GABPB2: variants seen among roughly 807,000 people sequenced by gnomAD.
The protein encoded by GABPB2 is GA-binding protein subunit beta-2.
Under a neutral mutation model 39.1 loss-of-function variants are expected in GABPB2, and 23 were observed. The observed-to-expected ratio is 0.59, with a 90% CI of 0.42 to 0.83. The LOEUF (loss-of-function observed/expected upper bound fraction) is 0.83, where lower values mean the gene tolerates loss of function less well. GABPB2 is among the 40% of genes least tolerant of loss of function. GABPB2 has a pLI of 0.00. For synonymous variants in GABPB2, 184 were observed against 199.3 expected (o/e 0.92, Z 0.65); for missense variants, 467 against 541.1 (o/e 0.86, Z 1.36).
rs374570194 is a variant in GABPB2 at position 151,097,962 on chromosome 1, C to A, written c.582C>A (p.Leu194=). ...FIFTSGEVVN[L]ASLISSTNTK... ...TCACGTCGGGTGAGGTTGTTAACCT[C>A]GCAAGCCTTATTTCTTCAACCAACA... The change falls in exon 5 of 9, where the codon CTC becomes CTA. Residue 194 remains leucine (L), a synonymous_variant. Coordinates refer to ENST00000368918, the MANE Select transcript of GABPB2 (RefSeq NM_144618.3). 9.9e-6 allele frequency: 16 copies of A among 1,613,820 alleles called. No individual in the cohort carries two copies. Among genetic ancestry groups the A allele is most frequent in the African/African-American group, 1.3e-5 (1 of 74,868 alleles).
rs1439077830 is a variant in GABPB2, at chr1:151,103,585, C to A, written c.646C>A (p.Gln216Lys). The change falls in exon 6 of 9, where the codon CAG (glutamine) becomes AAG (lysine). Residue 216 changes from glutamine (Q) to lysine (K), a missense_variant. Transcript: ENST00000368918. ...AGGTGACCCCCATGCCTCAACAGTACAGTTTTCAAATTCTACCACCTCAGT... is the reference window on the plus strand; with the variant it reads ...AGGTGACCCCCATGCCTCAACAGTAAAGTTTTCAAATTCTACCACCTCAGT... The part of the protein sequence containing the change: ...TSGDPHASTV[Q>K]FSNSTTSVLA... 3 of 1,613,738 alleles carry A rather than the reference C, an allele frequency of 1.9e-6. No individual in the cohort carries two copies. The African/African-American group carries it at 4.0e-5, about 22-fold the overall frequency.
intron 7 of GABPB2, among the ~76,000 whole-genome samples, chr1:151,108,688 A>G (rs911728020): frequency 6.6e-6 from 1 of 152,076 alleles, no homozygotes; most frequent in Non-Finnish European, 1.5e-5. Flanking sequence ...GAGGCTATAC[A>G]TTAGTATACT....
intron 1 of GABPB2, among the ~76,000 whole-genome samples, chr1:151,071,967 C>T (rs1487469719): frequency 6.6e-6 from 1 of 152,238 alleles, no homozygotes; most frequent in African/African-American, 2.4e-5. Context: ...GGGGGTCCCC[C>T]CCAACCCAAC....
chr1:151,076,254 A>C (rs1677161785), intron 1 of GABPB2, among the ~76,000 whole-genome samples: 1 of 152,204 alleles, frequency 6.6e-6, no homozygotes, highest in Non-Finnish European at 1.5e-5. Flanking sequence ...ATTTGGGGTT[A>C]CTAGCTGATT....
chr1:151,094,852 C>CA (rs1348086933), intron 4 of GABPB2, among the ~76,000 whole-genome samples: 52 of 150,116 alleles, frequency 3.5e-4, no homozygotes, highest in Admixed American at 3.1e-3. Flanking sequence ...ACTAAAAATG[C>CA]AAAAAAAATT....
chr1:151,073,189 A>AT, intron 1 of GABPB2: 1 of 151,746 alleles, frequency 6.6e-6, no homozygotes, highest in Non-Finnish European at 1.5e-5. Flanking sequence ...TAATTTTTTT[A>AT]TTTTTGTATT....
At chr1:151,072,894 T>C (rs1474589421) in intron 1 of GABPB2, 1 of 152,264 alleles carries the variant, frequency 6.6e-6, no homozygotes, top group Admixed American at 6.6e-5. Context: ...CCTATTGATA[T>C]ATATTTAGGT....
At chr1:151,101,117 G>A (rs1434229821) in intron 5 of GABPB2, among the ~76,000 whole-genome samples, 1 of 151,868 alleles carries the variant, frequency 6.6e-6, no homozygotes, top group Non-Finnish European at 1.5e-5. Context: ...GCCAGGCATG[G>A]TGATGCACAC....
chr1:151,109,324 A>AC, intron 7 of GABPB2, among the ~76,000 whole-genome samples: 1 of 131,522 alleles, frequency 7.6e-6, no homozygotes, highest in African/African-American at 2.9e-5. Context: ...ATATACACAC[A>AC]AATATATATA....
At chr1:151,095,009 CAA>C (rs11433915) in intron 4 of GABPB2, among the ~76,000 whole-genome samples, 3 of 131,378 alleles carry the variant, frequency 2.3e-5, no homozygotes, top group African/African-American at 2.9e-5. Flanking sequence ...GATTCCATCT[CAA>C]AAAAAAAAAA....
chr1:151,071,231 G>GCGGAGC, intron 1 of GABPB2, among the ~76,000 whole-genome samples: 1 of 152,300 alleles, frequency 6.6e-6, no homozygotes, highest in Non-Finnish European at 1.5e-5. Flanking sequence ...AGGGGGCGGC[G>GCGGAGC]CGGAGCCGGG....
At chr1:151,072,467 G>A (rs1344345497) in intron 1 of GABPB2, among the ~76,000 whole-genome samples, 1 of 152,152 alleles carries the variant, frequency 6.6e-6, no homozygotes, top group Non-Finnish European at 1.5e-5. Context: ...TGAGGTGGGA[G>A]GATCGCTTGA....
intron 1 of GABPB2, among the ~76,000 whole-genome samples, chr1:151,075,074 A>C (rs952354456): frequency 4.0e-5 from 6 of 151,578 alleles, no homozygotes; most frequent in African/African-American, 1.5e-4. Context: ...CATTAGAGGC[A>C]GAGGTTGTGG....
intron 1 of GABPB2, among the ~76,000 whole-genome samples, chr1:151,077,356 G>GT (rs35650542): frequency 0.03 from 3,356 of 110,636 alleles, 267 homozygotes; most frequent in African/African-American, 0.1. Flanking sequence ...CAACTCATAG[G>GT]TTTTTTTTTT....
intron 1 of GABPB2, among the ~76,000 whole-genome samples, chr1:151,084,639 A>G (rs1678021097): frequency 7.4e-6 from 1 of 135,634 alleles, no homozygotes; most frequent in Non-Finnish European, 1.5e-5. Context: ...GGTTCATGCC[A>G]TTCTCCTGCC....
chr1:151,106,867 TCTC>T, intron 6 of GABPB2, among the ~76,000 whole-genome samples, 167 bp from the exon 7 acceptor site: 1 of 152,210 alleles, frequency 6.6e-6, no homozygotes, highest in East Asian at 1.9e-4. Context: ...TGTTTTCTTT[TCTC>T]CTCTGACTTA....
chr1:151,115,400 T>A (rs1680785466), intron 7 of GABPB2, among the ~76,000 whole-genome samples: 1 of 72,162 alleles, frequency 1.4e-5, no homozygotes, highest in South Asian at 6.4e-4. Flanking sequence ...GCAAACTATT[T>A]TCTTTTTTTT....
chr1:151,108,580 C>T (rs1247177863), intron 7 of GABPB2, among the ~76,000 whole-genome samples: 1 of 151,958 alleles, frequency 6.6e-6, no homozygotes, highest in Admixed American at 6.6e-5. Context: ...TGGGTCACTG[C>T]AGCCTCGACC....
At chr1:151,074,971 T>G (rs1301828312) in intron 1 of GABPB2, among the ~76,000 whole-genome samples, 1 of 151,954 alleles carries the variant, frequency 6.6e-6, no homozygotes, top group Non-Finnish European at 1.5e-5. Flanking sequence ...TGAAACCCTG[T>G]CTCTACTAAA....
Sources: allele counts gnomAD v4.1 joint callset (sites outside exome capture counted in the v4.1 genomes callset), GRCh38; gene constraint gnomAD v4.1.1; transcripts MANE v1.5; gene names NCBI Gene and HGNC (gene_info 2026-07-23, HGNC 2026-07-21).